Variants in SCUBE1 observed in about 807,000 individuals in gnomAD.
SCUBE1 encodes signal peptide, CUB and EGF-like domain-containing protein 1.
SCUBE1 carries 59 observed loss-of-function variants against 124.4 expected under a neutral mutation model. That is an observed-to-expected ratio of 0.47 (90% CI 0.38 to 0.59). SCUBE1 has a LOEUF of 0.59. Ranked by LOEUF, SCUBE1 falls within the 20% of genes least tolerant of loss-of-function variation. The pLI, the probability that SCUBE1 is intolerant of heterozygous loss-of-function variation, is 0.00. For missense variants in SCUBE1, 1,150 were observed against 1,371.2 expected, an observed-to-expected ratio of 0.84 and a Z score of 2.55; for synonymous variants, 545 against 550.9, an observed-to-expected ratio of 0.99 and a Z score of 0.15.
chr22:43,274,947 G>T (rs1251815528), intron 4 of SCUBE1, among the ~76,000 whole-genome samples: 1 of 152,202 alleles, frequency 6.6e-6, no homozygotes, highest in Non-Finnish European at 1.5e-5. Flanking sequence ...TCATCGGCAG[G>T]TACAGCCACT....
chr22:43,340,623 A>G (rs1437021179), intron 1 of SCUBE1, among the ~76,000 whole-genome samples: 1 of 1,430 alleles, frequency 7.0e-4, no homozygotes, highest in Admixed American at 0.011. Context: ...TCCTCAGGTT[A>G]TAGATGAGGA....
At chr22:43,316,248 T>C (rs754800491) in intron 3 of SCUBE1, among the ~76,000 whole-genome samples, 1 of 152,180 alleles carries the variant, frequency 6.6e-6, no homozygotes, top group Non-Finnish European at 1.5e-5. Flanking sequence ...AGAGGTAAAG[T>C]GACTGGCCAA....
chr22:43,237,002 G>A (rs1158117659), intron 7 of SCUBE1, among the ~76,000 whole-genome samples: 1 of 152,072 alleles, frequency 6.6e-6, no homozygotes, highest in African/African-American at 2.4e-5. Context: ...TGCAGCCACA[G>A]GCCCAGGGCT....
chr22:43,264,806 G>A (rs767342124), intron 4 of SCUBE1, among the ~76,000 whole-genome samples: 51 of 152,304 alleles, frequency 3.3e-4, no homozygotes, highest in South Asian at 8.3e-4. Flanking sequence ...CTCCTGGGCC[G>A]GACACCCTCT....
intron 3 of SCUBE1, among the ~76,000 whole-genome samples, chr22:43,310,318 C>G (rs1335593068): frequency 2.6e-5 from 4 of 152,300 alleles, no homozygotes; most frequent in East Asian, 3.9e-4. Flanking sequence ...GGGCAGACCT[C>G]TGTTACCCCC....
At chr22:43,292,954 G>A (rs868254874) in intron 3 of SCUBE1, among the ~76,000 whole-genome samples, 2 of 152,222 alleles carry the variant, frequency 1.3e-5, no homozygotes, top group African/African-American at 4.8e-5. Flanking sequence ...CCAGGTGATC[G>A]CACCATTCTG....
chr22:43,211,070 G>T lies in SCUBE1; in HGVS notation c.2235C>A (p.Pro745=). The change falls in exon 18 of 22, where the codon CCC becomes CCA. Residue 745 remains proline (P), a synonymous_variant. Transcript: ENST00000360835. The surrounding 1 kb of genome is among the most constrained non-coding windows in gnomAD (Gnocchi z 4.5). ...GGGTGGTGGTGTTGTAGTGGTGGCC[G>T]GGGGAGCAGTGCACTGCCGGGGGAC... ...QDCEAKVHCS[P]GHHYNTTTHR... is the part of the protein sequence containing the mutation. 2 of 1,610,804 alleles carry T rather than the reference G, an allele frequency of 1.2e-6. No individual in the cohort carries two copies. The highest frequency in any genetic ancestry group is 1.7e-6 in the Non-Finnish European group (2 of 1,178,296).
chr22:43,208,088 G>A lies in SCUBE1; in HGVS notation c.2718C>T (p.Pro906=). Residue 906 remains proline, a synonymous_variant, in exon 20 of 22, where the codon CCC becomes CCT. Transcript: ENST00000360835. Reference sequence around the variant, plus strand: ...GGATCTTACCATCGTAGGTGACATAGGGCACTTGGAAGCCTTTGCCGCTGT... The same window carrying A: ...GGATCTTACCATCGTAGGTGACATAAGGCACTTGGAAGCCTTTGCCGCTGT... The part of the protein sequence containing the change: ...EGNSGKGFQV[P]YVTYDEDYQQ... The A allele has an allele frequency of 6.2e-7, 1 of 1,614,138 alleles. No individual in the cohort carries two copies. The highest frequency in any genetic ancestry group is 1.1e-5 in the South Asian group (1 of 91,078).
intron 5 of SCUBE1, 113 bp downstream of exon 5, chr22:43,262,607 C>T: frequency 1.6e-6 from 2 of 1,282,358 alleles, no homozygotes; most frequent in South Asian, 2.6e-5. Context: ...TCTCTCCACC[C>T]CATGGGGCTG....
At chr22:43,297,398 C>T (rs1384702984) in intron 3 of SCUBE1, among the ~76,000 whole-genome samples, 1 of 152,264 alleles carries the variant, frequency 6.6e-6, no homozygotes, top group Non-Finnish European at 1.5e-5. Flanking sequence ...CACCTCCTCA[C>T]TGTGCAGTAC....
intron 19 of SCUBE1, among the ~76,000 whole-genome samples, chr22:43,209,410 T>C (rs1921442158): frequency 6.6e-6 from 1 of 152,168 alleles, no homozygotes; most frequent in African/African-American, 2.4e-5. Context: ...CTCGGGTGGC[T>C]CAGGGGCCTC....
intron 21 of SCUBE1, among the ~76,000 whole-genome samples, chr22:43,205,477 G>C (rs1252689808): frequency 6.6e-6 from 1 of 151,928 alleles, no homozygotes; most frequent in African/African-American, 2.4e-5. Flanking sequence ...ACCACCTGCT[G>C]GCGCGTGAGA....
chr22:43,263,738 T>C (rs1923959596), intron 4 of SCUBE1, among the ~76,000 whole-genome samples: 1 of 152,144 alleles, frequency 6.6e-6, no homozygotes, highest in East Asian at 1.9e-4. Context: ...CAAATGGAAA[T>C]GAGGAAGCCT....
At chr22:43,320,270 G>A (rs757676776) in intron 2 of SCUBE1, among the ~76,000 whole-genome samples, 2 of 152,182 alleles carry the variant, frequency 1.3e-5, no homozygotes, top group African/African-American at 2.4e-5. Context: ...CAGTGAACAG[G>A]CAAGATTCAC....
At chr22:43,221,135 C>T (rs747773937) in intron 13 of SCUBE1, 38 bp downstream of exon 13, 22 of 1,526,672 alleles carry the variant, frequency 1.4e-5, no homozygotes, top group Non-Finnish European at 1.9e-5. Flanking sequence ...CTCCTACAGC[C>T]CCGTTGGTGT....
intron 3 of SCUBE1, among the ~76,000 whole-genome samples, chr22:43,308,000 C>T (rs926692624): frequency 3.3e-5 from 5 of 152,230 alleles, no homozygotes; most frequent in Admixed American, 3.3e-4. Flanking sequence ...CCACAGTCCC[C>T]CCACCCAATC....
chr22:43,237,117 T>TGGGG, intron 7 of SCUBE1, among the ~76,000 whole-genome samples: 1 of 51,510 alleles, frequency 1.9e-5, no homozygotes, highest in East Asian at 5.4e-4. Flanking sequence ...TGGGGGGGGT[T>TGGGG]GGGGGGTTGT....
intron 9 of SCUBE1, among the ~76,000 whole-genome samples, chr22:43,228,815 C>T (rs1031808073): frequency 2.0e-5 from 3 of 152,378 alleles, no homozygotes; most frequent in East Asian, 1.9e-4. Context: ...TTTCCAGCCC[C>T]GTGCCCATCT....
intron 3 of SCUBE1, among the ~76,000 whole-genome samples, chr22:43,299,608 C>T (rs1010509219): frequency 7.2e-5 from 11 of 152,192 alleles, no homozygotes; most frequent in Non-Finnish European, 1.2e-4. Flanking sequence ...GTGACCTCTG[C>T]TATTTCTCCA....
Sources: allele counts gnomAD v4.1 joint callset (sites outside exome capture counted in the v4.1 genomes callset), GRCh38; gene constraint gnomAD v4.1.1; non-coding constraint Gnocchi (gnomAD v3.1); transcripts MANE v1.5; gene names NCBI Gene and HGNC (gene_info 2026-07-23, HGNC 2026-07-21).